Variants in CEP63 observed in about 807,000 individuals in gnomAD.
CEP63 encodes the protein centrosomal protein of 63 kDa.
A neutral mutation model predicts 89.1 loss-of-function variants in CEP63; 84 were observed. The ratio of observed to expected loss-of-function variants is 0.94; its 90% confidence interval spans 0.79 to 1.13. CEP63 has a LOEUF of 1.13. CEP63 is among the 50% of genes most tolerant of loss of function. The pLI is 0.00. For missense variants in CEP63, 838 were observed against 813.3 expected (o/e 1.03, Z -0.37); for synonymous variants, 267 against 272.5 (o/e 0.98, Z 0.20).
At chr3:134,770,253 A>G in the CEP63 span, among the ~76,000 whole-genome samples, 2 of 152,244 alleles carry the variant, frequency 1.3e-5, no homozygotes, top group African/African-American at 4.8e-5. Context: ...AGGACATTCA[A>G]TAGCAGAACT....
chr3:134,700,803 G>T, the CEP63 span, among the ~76,000 whole-genome samples: 1 of 151,926 alleles, frequency 6.6e-6, no homozygotes, highest in Non-Finnish European at 1.5e-5. Context: ...AGCCCCACTT[G>T]CCCCCTGCCT....
chr3:134,506,676 T>C (rs1385155754), intron 2 of CEP63, among the ~76,000 whole-genome samples: 3 of 152,150 alleles, frequency 2.0e-5, no homozygotes, highest in Non-Finnish European at 2.9e-5. Context: ...CCCAGCACTT[T>C]GGGAGGCTGA....
the CEP63 span, among the ~76,000 whole-genome samples, chr3:134,692,533 T>A: frequency 2.6e-5 from 4 of 152,206 alleles, no homozygotes; most frequent in African/African-American, 4.8e-5. Context: ...CTTTGCAATA[T>A]CATGCCATAT....
the CEP63 span, among the ~76,000 whole-genome samples, chr3:134,640,348 G>A: frequency 6.6e-6 from 1 of 152,118 alleles, no homozygotes; most frequent in Non-Finnish European, 1.5e-5. Flanking sequence ...TCAACTTCTG[G>A]GTCTGGTATG....
chr3:134,681,381 G>A, the CEP63 span, among the ~76,000 whole-genome samples: 20 of 152,210 alleles, frequency 1.3e-4, no homozygotes, highest in Admixed American at 1.1e-3. Context: ...AATTAAGGCA[G>A]AGAATCATAA....
chr3:134,652,453 CA>C, the CEP63 span, among the ~76,000 whole-genome samples: 393 of 149,570 alleles, frequency 2.6e-3, 1 homozygote, highest in Middle Eastern at 0.014. Context: ...CGCCCCCCCC[CA>C]CCACCCCACC....
chr3:134,524,330 A>C (rs1245682830), intron 3 of CEP63, among the ~76,000 whole-genome samples: 1 of 152,190 alleles, frequency 6.6e-6, no homozygotes, highest in Non-Finnish European at 1.5e-5. Context: ...GTCGTCTACA[A>C]ACAGGAATAG....
chr3:134,743,387 G>A, the CEP63 span, among the ~76,000 whole-genome samples: 1 of 152,142 alleles, frequency 6.6e-6, no homozygotes, highest in African/African-American at 2.4e-5. Context: ...ATTCTCGCTG[G>A]TAGAGTAGAA....
At chr3:134,719,482 G>A in the CEP63 span, among the ~76,000 whole-genome samples, 1 of 152,134 alleles carries the variant, frequency 6.6e-6, no homozygotes, top group African/African-American at 2.4e-5. Context: ...GGTATGTCTT[G>A]TGGCACATAA....
In CEP63 at chr3:134,586,268, A is replaced by G. The variant is rs1249207578; in HGVS notation, c.1207-1190A>G. Among the ~76,000 whole-genome samples, 6 of 152,266 alleles carry G rather than the reference A, an allele frequency of 3.9e-5. No homozygotes were observed. In the East Asian group the frequency reaches 5.8e-4, roughly 15 times the overall value. On this transcript the variant is annotated intron_variant, in intron 10 of 10. Transcript: ENST00000683931. ...AGCTGGTAATTTTGCCCGTTAATTG[A>G]TGCAGTTTCTTTATAGCATCGATGG...
At chr3:134,746,839 T>C in the CEP63 span, among the ~76,000 whole-genome samples, 1 of 151,918 alleles carries the variant, frequency 6.6e-6, no homozygotes, top group African/African-American at 2.4e-5. Context: ...CTTTGTCAGA[T>C]GGGTAGATTG....
chr3:134,532,751 T>C, intron 4 of CEP63, 27 bp from the exon 5 acceptor site: 4 of 1,579,586 alleles, frequency 2.5e-6, no homozygotes, highest in Non-Finnish European at 3.5e-6. Flanking sequence ...TCTTAAACTT[T>C]AAATATAGAA....
chr3:134,685,102 T>C, the CEP63 span, among the ~76,000 whole-genome samples: 3 of 152,230 alleles, frequency 2.0e-5, no homozygotes, highest in African/African-American at 7.2e-5. Flanking sequence ...ACAGTATTTC[T>C]GAATTTATGG....
At chr3:134,609,485 A>T in the CEP63 span, among the ~76,000 whole-genome samples, 2 of 152,090 alleles carry the variant, frequency 1.3e-5, no homozygotes, top group Non-Finnish European at 2.9e-5. Context: ...CATGTGTGGG[A>T]GTGTCAAGAT....
chr3:134,683,859 T>A, the CEP63 span, among the ~76,000 whole-genome samples: 1 of 152,040 alleles, frequency 6.6e-6, no homozygotes. Context: ...TAGCTTCCAT[T>A]GACTGGGTTG....
chr3:134,612,169 G>A, the CEP63 span, among the ~76,000 whole-genome samples: 79 of 152,198 alleles, frequency 5.2e-4, no homozygotes, highest in Admixed American at 3.3e-4. Flanking sequence ...TTCACAAAAG[G>A]AGGTTCAGGC....
chr3:134,703,785 A>G, the CEP63 span, among the ~76,000 whole-genome samples: 8 of 152,354 alleles, frequency 5.3e-5, no homozygotes, highest in East Asian at 1.5e-3. Flanking sequence ...CCCTGAACTT[A>G]AAAGTTGGAA....
At chr3:134,768,447 T>A in the CEP63 span, among the ~76,000 whole-genome samples, 6 of 152,224 alleles carry the variant, frequency 3.9e-5, no homozygotes, top group Non-Finnish European at 8.8e-5. Context: ...TGAAAGGCTT[T>A]AACTGTGACC....
At chr3:134,665,236 C>G in the CEP63 span, among the ~76,000 whole-genome samples, 4 of 152,214 alleles carry the variant, frequency 2.6e-5, no homozygotes, top group Admixed American at 6.5e-5. Context: ...TGAGAAAGGT[C>G]AGGGCTGGCC....
Sources: allele counts gnomAD v4.1 joint callset (sites outside exome capture counted in the v4.1 genomes callset), GRCh38; gene constraint gnomAD v4.1.1; transcripts MANE v1.5; gene names NCBI Gene and HGNC (gene_info 2026-07-23, HGNC 2026-07-21).